DOCK5: variants seen among roughly 807,000 people sequenced by gnomAD.
The protein encoded by DOCK5 is dedicator of cytokinesis protein 5.
DOCK5 carries 142 observed loss-of-function variants against 251.8 expected under a neutral mutation model. The ratio of observed to expected loss-of-function variants is 0.56; its 90% CI spans 0.49 to 0.65. DOCK5 has a LOEUF of 0.65. Ranked by LOEUF, DOCK5 falls within the 30% of genes least tolerant of loss-of-function variation. The pLI is 0.00. For synonymous variants in DOCK5, 842 were observed against 835.5 expected, an observed-to-expected ratio of 1.01 and a Z score of -0.13; for missense variants, 2,111 against 2,312.3, an observed-to-expected ratio of 0.91 and a Z score of 1.79.
intron 41 of DOCK5, 67 bp from the exon 42 acceptor site, chr8:25,390,139 C>G: frequency 7.2e-7 from 1 of 1,391,408 alleles, no homozygotes; most frequent in Non-Finnish European, 9.8e-7. Context: ...GCAGGAGGAA[C>G]AGGGGTGTTT....
chr8:25,401,469 A>G (rs1801436755), intron 47 of DOCK5, among the ~76,000 whole-genome samples: 1 of 152,216 alleles, frequency 6.6e-6, no homozygotes, highest in African/African-American at 2.4e-5. Context: ...GCAGTGGCTC[A>G]CAGCTGTAAT....
intron 26 of DOCK5, among the ~76,000 whole-genome samples, chr8:25,346,988 A>G (rs1476416194): frequency 1.3e-5 from 2 of 152,202 alleles, no homozygotes; most frequent in African/African-American, 4.8e-5. Flanking sequence ...AAAGCATCTT[A>G]CCACAAATTA....
At chr8:25,384,644 G>T (rs1369069718) in intron 40 of DOCK5, among the ~76,000 whole-genome samples, 1 of 151,702 alleles carries the variant, frequency 6.6e-6, no homozygotes, top group Non-Finnish European at 1.5e-5. Flanking sequence ...TATTTTAGTA[G>T]AGATGGGGTT....
chr8:25,390,140 A>G, intron 41 of DOCK5, 66 bp from the exon 42 acceptor site: 2 of 1,388,198 alleles, frequency 1.4e-6, no homozygotes, highest in Non-Finnish European at 2.0e-6. Context: ...CAGGAGGAAC[A>G]GGGGTGTTTG....
Position 25,399,952 on chromosome 8 carries a change from C to T in DOCK5, c.4746C>T (p.Asp1582=), listed in dbSNP as rs141714689. ...TEKYLQEHPE[D]QEKVELLKRL... is the part of the protein sequence containing the mutation. ...AGTACTTGCAGGAGCATCCTGAAGA[C>T]CAGGAGAAGGTTGAGCTGCTAAAGC... The change falls in exon 46 of 52, where the codon GAC becomes GAT. Residue 1582 remains aspartate (D), a synonymous_variant. Transcript: ENST00000276440. The T allele has an allele frequency of 6.9e-4, 1,114 of 1,613,582 alleles. 7 individuals carry two copies. The African/African-American group carries it at 0.013, about 19-fold the overall frequency.
intron 1 of DOCK5, among the ~76,000 whole-genome samples, chr8:25,224,155 C>G (rs2117505087): frequency 6.6e-6 from 1 of 152,226 alleles, no homozygotes; most frequent in South Asian, 2.1e-4. Flanking sequence ...GTCTTGCTCT[C>G]TTGCCCAGGC....
Position 25,411,534 on chromosome 8 carries a change from T to A in DOCK5, c.*236T>A, listed in dbSNP as rs1801631993. 4.4e-6 allele frequency: 2 copies of A among 455,302 alleles called. No individual in the cohort carries two copies. 28.2% of individuals were successfully genotyped at this position (455,302 alleles called of 1,614,324 possible). ...GAATTCCAGAATCAGTCACAGCCTCTGATTTTTTCCAAGAAGAGATTGCCT... is the reference window on the plus strand; with the variant it reads ...GAATTCCAGAATCAGTCACAGCCTCAGATTTTTTCCAAGAAGAGATTGCCT... On this transcript the variant is annotated 3_prime_UTR_variant, in exon 52 of 52. Transcript: ENST00000276440.
At chr8:25,264,832 A>G (rs969743937) in intron 2 of DOCK5, among the ~76,000 whole-genome samples, 1 of 143,304 alleles carries the variant, frequency 7.0e-6, no homozygotes, top group Non-Finnish European at 1.5e-5. Context: ...CTCAAAAAAC[A>G]AAAAACAACA....
At chr8:25,271,713 T>C (rs905059928) in intron 3 of DOCK5, among the ~76,000 whole-genome samples, 1 of 152,186 alleles carries the variant, frequency 6.6e-6, no homozygotes, top group Non-Finnish European at 1.5e-5. Flanking sequence ...AAGGGCAACA[T>C]CTAGAAAATC....
At chr8:25,305,762 T>C (rs142623822) in intron 11 of DOCK5, among the ~76,000 whole-genome samples, 2 of 152,300 alleles carry the variant, frequency 1.3e-5, no homozygotes, top group African/African-American at 4.8e-5. Context: ...TGGGTAGATA[T>C]AAGGAGACAT....
intron 11 of DOCK5, among the ~76,000 whole-genome samples, chr8:25,306,918 CTACGCTGTATGGTATAGCCT>C (rs1804956862): frequency 6.6e-6 from 1 of 152,130 alleles, no homozygotes; most frequent in African/African-American, 2.4e-5. Context: ...TACTACACAC[CTACGCTGTATGGTATAGCCT>C]ATTGCTCCTA....
At chr8:25,203,889 G>A (rs762609516) in intron 1 of DOCK5, among the ~76,000 whole-genome samples, 3 of 152,206 alleles carry the variant, frequency 2.0e-5, no homozygotes, top group African/African-American at 7.2e-5. Flanking sequence ...CTTAGGAAAA[G>A]TACAGCATCT....
intron 44 of DOCK5, among the ~76,000 whole-genome samples, chr8:25,393,879 A>G (rs1586391455): frequency 6.6e-6 from 1 of 152,340 alleles, no homozygotes; most frequent in African/African-American, 2.4e-5. Context: ...CACTTAGCCT[A>G]AAGTAGGTGT....
intron 2 of DOCK5, among the ~76,000 whole-genome samples, chr8:25,245,888 C>T (rs182363205): frequency 5.3e-5 from 8 of 152,232 alleles, no homozygotes; most frequent in Non-Finnish European, 1.2e-4. Context: ...AGTCATTTTT[C>T]AGGTTTGCTA....
At chr8:25,360,243 G>A (rs953571717) in intron 28 of DOCK5, among the ~76,000 whole-genome samples, 1 of 152,240 alleles carries the variant, frequency 6.6e-6, no homozygotes, top group Non-Finnish European at 1.5e-5. Context: ...TGGAAGGAAA[G>A]TGCTGTTTGT....
intron 40 of DOCK5, among the ~76,000 whole-genome samples, chr8:25,384,463 AT>A (rs201096966): frequency 6.6e-4 from 90 of 135,694 alleles, no homozygotes; most frequent in African/African-American, 2.1e-3. Context: ...TTATTTATTT[AT>A]TTTTTTTTTT....
intron 1 of DOCK5, among the ~76,000 whole-genome samples, chr8:25,234,162 G>T (rs952964626): frequency 6.6e-6 from 1 of 152,220 alleles, no homozygotes; most frequent in Non-Finnish European, 1.5e-5. Flanking sequence ...TCAGTGAAAT[G>T]TGTTTGTCTC....
chr8:25,391,052 G>T (rs1164844689), intron 42 of DOCK5, among the ~76,000 whole-genome samples: 1 of 151,774 alleles, frequency 6.6e-6, no homozygotes, highest in African/African-American at 2.4e-5. Flanking sequence ...CAGGCAATCC[G>T]CCCACTAAGA....
intron 1 of DOCK5, among the ~76,000 whole-genome samples, chr8:25,203,967 T>G (rs914743234): frequency 6.6e-4 from 25 of 38,008 alleles, no homozygotes; most frequent in East Asian, 3.8e-3. Flanking sequence ...ATATCTAAAA[T>G]GAAACGTGTT....
Sources: allele counts gnomAD v4.1 joint callset (sites outside exome capture counted in the v4.1 genomes callset), GRCh38; gene constraint gnomAD v4.1.1; transcripts MANE v1.5; gene names NCBI Gene and HGNC (gene_info 2026-07-23, HGNC 2026-07-21).